CFAP43: variants seen among roughly 807,000 people sequenced by gnomAD.
The protein encoded by CFAP43 is cilia- and flagella-associated protein 43.
Under a neutral mutation model 218.9 loss-of-function variants are expected in CFAP43, and 155 were observed. The observed-to-expected ratio is 0.71, with a 90% CI of 0.62 to 0.81. The LOEUF is 0.81. Among genes scored for constraint, CFAP43 ranks in the 30% least tolerant of loss-of-function variants. The pLI, the probability that CFAP43 is intolerant of heterozygous loss-of-function variation, is 0.00. For synonymous variants in CFAP43, 645 were observed against 681.3 expected, an observed-to-expected ratio of 0.95 and a Z score of 0.83; for missense variants, 1,778 against 1,954.3, an observed-to-expected ratio of 0.91 and a Z score of 1.70.
At chr10:104,141,489 G>A (rs2087703385) in intron 33 of CFAP43, among the ~76,000 whole-genome samples, 2 of 152,068 alleles carry the variant, frequency 1.3e-5, no homozygotes, top group Non-Finnish European at 2.9e-5. Flanking sequence ...ACAGGCACCT[G>A]TAATCCCAGC....
chr10:104,141,016 A>C lies in CFAP43; in HGVS notation c.4272-15T>G. 6.3e-7 allele frequency: 1 copy of C among 1,598,334 alleles called. No homozygotes were observed. Among genetic ancestry groups the C allele is most frequent in the Non-Finnish European group, 8.5e-7 (1 of 1,173,276 alleles). On this transcript the variant is annotated splice_polypyrimidine_tract_variant and intron_variant, in intron 33 of 37. Coordinates refer to ENST00000357060, the MANE Select transcript of CFAP43 (RefSeq NM_025145.7). Reference sequence around the variant, plus strand: ...CTTCCTGTAATCTGAATTGAAAAGTACTTCAAAGCAAGTAGTTGTAATATA... The same window carrying C: ...CTTCCTGTAATCTGAATTGAAAAGTCCTTCAAAGCAAGTAGTTGTAATATA...
intron 34 of CFAP43, among the ~76,000 whole-genome samples, chr10:104,134,215 G>C (rs969375077): frequency 7.2e-5 from 11 of 152,046 alleles, no homozygotes; most frequent in Admixed American, 3.9e-4. Flanking sequence ...CTAGGCAACA[G>C]AGCAAGACCT....
intron 3 of CFAP43, among the ~76,000 whole-genome samples, chr10:104,220,560 C>G (rs2091148424): frequency 6.6e-6 from 1 of 150,700 alleles, no homozygotes; most frequent in African/African-American, 2.4e-5. Flanking sequence ...TAAGTTTAGG[C>G]AAGTAGCTAT....
intron 1 of CFAP43, among the ~76,000 whole-genome samples, 154 bp downstream of exon 1, chr10:104,232,027 AG>A (rs2091462910): frequency 7.0e-6 from 1 of 142,406 alleles, no homozygotes; most frequent in Admixed American, 7.0e-5. Context: ...TCACACGGGG[AG>A]GGAGGCTGAG....
At chr10:104,184,981 A>G in intron 16 of CFAP43, 35 bp downstream of exon 16, 2 of 1,609,816 alleles carry the variant, frequency 1.2e-6, no homozygotes, top group Non-Finnish European at 1.7e-6. Context: ...AACACACTAT[A>G]CTACATGGGG....
At chr10:104,145,356 C>A in intron 31 of CFAP43, 120 bp downstream of exon 31, 1 of 583,878 alleles carries the variant, frequency 1.7e-6, no homozygotes, top group South Asian at 2.8e-5. Context: ...ACATCTCCAC[C>A]TAAAAGATAT....
rs773753750 is a variant in CFAP43, at chr10:104,187,307, A to G, written c.1860+13T>C. On this transcript the variant is annotated intron_variant, in intron 14 of 37. Transcript: ENST00000357060. The stretch of plus-strand genomic sequence containing the variant: ...GCTAAGATAAATGAGAGCACACTTA[A>G]GTGTTGACATACTTCTTCAGGAAGA... The G allele has an allele frequency of 1.3e-6, 2 of 1,589,566 alleles. No homozygotes were observed. The highest frequency in any genetic ancestry group is 1.7e-6 in the Non-Finnish European group (2 of 1,171,558).
intron 16 of CFAP43, among the ~76,000 whole-genome samples, chr10:104,183,067 G>A (rs1215966115): frequency 6.6e-6 from 1 of 152,180 alleles, no homozygotes; most frequent in East Asian, 1.9e-4. Context: ...CAGGCAGTGT[G>A]CTACTTCACA....
At chr10:104,182,293 A>C (rs549597155) in intron 17 of CFAP43, 73 bp downstream of exon 17, 2 of 1,443,288 alleles carry the variant, frequency 1.4e-6, no homozygotes, top group Non-Finnish European at 1.8e-6. Context: ...CTTAAAGAAA[A>C]CCACAAACCG....
At chr10:104,207,600 T>C (rs1324981287) in intron 6 of CFAP43, 65 bp downstream of exon 6, 1 of 1,477,678 alleles carries the variant, frequency 6.8e-7, no homozygotes, top group Admixed American at 2.2e-5. Context: ...AAGAGAAAAA[T>C]AGGGAAAACC....
Position 104,203,716 on chromosome 10 carries a change from T to A in CFAP43, c.1051A>T (p.Thr351Ser), listed in dbSNP as rs748912495. The A allele has an allele frequency of 6.2e-7, 1 of 1,611,838 alleles. No individual in the cohort carries two copies. The highest frequency in any genetic ancestry group is 8.5e-7 in the Non-Finnish European group (1 of 1,179,124). Residue 351 changes from threonine (T) to serine (S), a missense_variant, in exon 8 of 38, where the codon ACA (threonine) becomes TCA (serine). By Grantham distance (58) the Thr-to-Ser change is moderately conservative (BLOSUM62 1). Transcript: ENST00000357060. Reference sequence around the variant, plus strand: ...AACACTGTATAATTGGGAGAAAATGTCATATGTTCTACAGGTCTTTCAATC... The same window carrying A: ...AACACTGTATAATTGGGAGAAAATGACATATGTTCTACAGGTCTTTCAATC... ...LEIERPVEHM[T>S]FSPNYTVLLI...
At chr10:104,183,029 GTGCACTGGCTGAGCTCTCGGAA>G (rs2089906345) in intron 16 of CFAP43, among the ~76,000 whole-genome samples, 1 of 152,162 alleles carries the variant, frequency 6.6e-6, no homozygotes, top group Non-Finnish European at 1.5e-5. Flanking sequence ...AGAAGAGCCA[GTGCACTGGCTGAGCTCTCGGAA>G]TGCACCAGGC....
intron 10 of CFAP43, 118 bp from the exon 11 acceptor site, chr10:104,194,132 G>A (rs1002255736): frequency 2.5e-5 from 30 of 1,210,924 alleles, no homozygotes; most frequent in Non-Finnish European, 3.2e-5. Context: ...CAAGTGTTGT[G>A]TGGTGGGGTC....
chr10:104,155,128 CT>C (rs1016223067), intron 27 of CFAP43, among the ~76,000 whole-genome samples: 1 of 152,136 alleles, frequency 6.6e-6, no homozygotes, highest in Non-Finnish European at 1.5e-5. Flanking sequence ...AGGGACTCTG[CT>C]GAATTGTCTC....
chr10:104,184,236 T>C (rs2089956053), intron 16 of CFAP43, among the ~76,000 whole-genome samples: 2 of 152,158 alleles, frequency 1.3e-5, no homozygotes, highest in Admixed American at 1.3e-4. Flanking sequence ...GAAGCAAGGA[T>C]GATAATAGTA....
intron 19 of CFAP43, among the ~76,000 whole-genome samples, chr10:104,176,604 G>A (rs763696704): frequency 3.3e-5 from 5 of 152,156 alleles, no homozygotes; most frequent in Non-Finnish European, 7.3e-5. Flanking sequence ...ATTGCATGAA[G>A]TTCCACCTAA....
At position 104,172,511 on chromosome 10, in the gene CFAP43, C is replaced by G; in HGVS notation, c.2485G>C (p.Asp829His). The G allele has an allele frequency of 6.2e-7, 1 of 1,604,034 alleles. No individual in the cohort carries two copies. The highest frequency in any genetic ancestry group is 8.5e-7 in the Non-Finnish European group (1 of 1,177,126). Residue 829 changes from aspartate to histidine, a missense_variant, in exon 20 of 38, where the codon GAC (aspartate) becomes CAC (histidine). Around this residue, in one of 3 missense-constraint regions of CFAP43, gnomAD observed 1,553 missense variants for 1,685.2 expected, o/e 0.92. Transcript: ENST00000357060. ...AATTTTGCAATATTTTCTAGTTTGT[C>G]ATTTTCTTCCATCATATTCAGAATC... ...KTILNMMEEN[D>H]KLENIAKLDQ...
rs1178956039 is a variant in CFAP43 at position 104,214,155 on chromosome 10, A to G, written c.584+104T>C. 8 of 1,087,812 alleles carry G rather than the reference A, an allele frequency of 7.4e-6. No homozygotes were observed. In the African/African-American group the frequency reaches 8.0e-5, roughly 11 times the overall value. The allele number at this position is 1,087,812 out of a possible 1,614,324, so 67.4% of individuals were successfully genotyped here. A position where few individuals can be genotyped will look rare whatever the true frequency, so the allele number is the denominator to read the frequency against. ...TGTGTGTATGTGTGTGTATGCATATATATGTATGTATAAAGCCACTTAATT... is the reference window on the plus strand; with the variant it reads ...TGTGTGTATGTGTGTGTATGCATATGTATGTATGTATAAAGCCACTTAATT... On this transcript the variant is annotated intron_variant, in intron 4 of 37. Coordinates refer to ENST00000357060, the MANE Select transcript of CFAP43 (RefSeq NM_025145.7).
intron 2 of CFAP43, among the ~76,000 whole-genome samples, chr10:104,228,727 T>C (rs2091369495): frequency 6.6e-6 from 1 of 152,214 alleles, no homozygotes; most frequent in Non-Finnish European, 1.5e-5. Context: ...TTTTTTTGAA[T>C]TATTTCTAAG....
Sources: allele counts gnomAD v4.1 joint callset (sites outside exome capture counted in the v4.1 genomes callset), GRCh38; gene constraint gnomAD v4.1.1; regional missense constraint gnomAD v4.1.1; transcripts MANE v1.5; gene names NCBI Gene and HGNC (gene_info 2026-07-23, HGNC 2026-07-21).